Variants in TASOR observed in about 807,000 individuals in gnomAD.
TASOR encodes the protein protein TASOR.
TASOR carries 53 observed loss-of-function variants against 178.6 expected under a neutral mutation model. The observed-to-expected ratio is 0.30, with a 90% CI of 0.24 to 0.37. The LOEUF (loss-of-function observed/expected upper bound fraction) is 0.37, where lower values mean the gene tolerates loss of function less well. Ranked by LOEUF, TASOR falls within the 10% of genes least tolerant of loss-of-function variation. TASOR has a pLI of 1.00. For synonymous variants in TASOR, 713 were observed against 696.2 expected, an observed-to-expected ratio of 1.02 and a Z score of -0.38; for missense variants, 1,815 against 1,971.4, an observed-to-expected ratio of 0.92 and a Z score of 1.50.
intron 21 of TASOR, among the ~76,000 whole-genome samples, chr3:56,625,690 C>CTT (rs879938687): frequency 1.1e-4 from 16 of 146,730 alleles, no homozygotes; most frequent in African/African-American, 3.7e-4. Flanking sequence ...TAAGCTATTT[C>CTT]TTTTTTTTTT....
At chr3:56,673,433 CAAAAAAAAAAAAAAA>C (rs5849162) in intron 2 of TASOR, 132 bp downstream of exon 2, 2 of 194,768 alleles carry the variant, frequency 1.0e-5, no homozygotes, top group Non-Finnish European at 1.7e-5. Context: ...ACTCCGTCTC[CAAAAAAAAAAAAAAA>C]AAAAAAAAAA....
intron 18 of TASOR, 26 bp downstream of exon 18, chr3:56,633,018 T>C: frequency 6.7e-7 from 1 of 1,498,980 alleles, no homozygotes. Context: ...TTGTACAGCA[T>C]TACTATTACC....
In TASOR at chr3:56,660,945, A is replaced by G. The variant is rs773473328; in HGVS notation, c.1233T>C (p.Phe411=). Residue 411 remains phenylalanine (F), a synonymous_variant, in exon 10 of 24, where the codon TTT becomes TTC. Transcript: ENST00000683822. ...TTGGACCTAAGTATGTTTCCTTATAAAACAGTGCTGGAGGGATTTTCTGTT... is the reference window on the plus strand; with the variant it reads ...TTGGACCTAAGTATGTTTCCTTATAGAACAGTGCTGGAGGGATTTTCTGTT... ...HLKQKIPPAL[F]YKETYLGPNE... is the part of the protein sequence containing the mutation. 3 of 1,612,134 alleles carry G rather than the reference A, an allele frequency of 1.9e-6. No homozygotes were observed. Among genetic ancestry groups the G allele is most frequent in the Admixed American group, 1.7e-5 (1 of 59,938 alleles).
At chr3:56,653,693 T>A (rs1169581880) in intron 11 of TASOR, among the ~76,000 whole-genome samples, 7 of 146,650 alleles carry the variant, frequency 4.8e-5, no homozygotes, top group African/African-American at 8.1e-5. Context: ...TAGATCTTAG[T>A]CTCAACAAAT....
At chr3:56,630,916 G>C (rs1407910852) in intron 18 of TASOR, among the ~76,000 whole-genome samples, 1 of 142,098 alleles carries the variant, frequency 7.0e-6, no homozygotes, top group East Asian at 2.3e-4. Flanking sequence ...AAGGAGCGGG[G>C]GGGTGGGGGG....
chr3:56,670,245 T>A, intron 3 of TASOR, 100 bp from the exon 4 acceptor site: 1 of 655,270 alleles, frequency 1.5e-6, no homozygotes, highest in East Asian at 2.9e-5. Context: ...CAAAGCTTCT[T>A]AACTATGTAT....
At chr3:56,682,272 G>C (rs1159981974) in intron 1 of TASOR, among the ~76,000 whole-genome samples, 1 of 152,186 alleles carries the variant, frequency 6.6e-6, no homozygotes, top group African/African-American at 2.4e-5. Context: ...CATTGGCAAT[G>C]GCCTTGGAGA....
At position 56,683,060 on chromosome 3, in the gene TASOR, G is replaced by A. The variant is rs1032284954; in HGVS notation, c.-54C>T. 16 of 1,439,894 alleles carry A rather than the reference G, an allele frequency of 1.1e-5. No individual in the cohort carries two copies. Among genetic ancestry groups the A allele is most frequent in the Non-Finnish European group, 1.5e-5 (16 of 1,092,820 alleles). The allele number at this position is 1,439,894 out of a possible 1,614,324, so 89.2% of individuals were successfully genotyped here. A position where few individuals can be genotyped will look rare whatever the true frequency, so the allele number is the denominator to read the frequency against. ...TTCTGCCCACAAGGTCGACGGGTGT[G>A]GGGGGAAGGGGCGGCGGGCCAGTCT... On this transcript the variant is annotated 5_prime_UTR_variant, in exon 1 of 24. Transcript: ENST00000683822.
chr3:56,631,460 A>G (rs1243330196), intron 18 of TASOR, among the ~76,000 whole-genome samples: 1 of 152,204 alleles, frequency 6.6e-6, no homozygotes, highest in African/African-American at 2.4e-5. Context: ...TTTTACTATT[A>G]TACCACTAAT....
At chr3:56,632,190 C>T (rs1260741094) in intron 18 of TASOR, among the ~76,000 whole-genome samples, 1 of 151,886 alleles carries the variant, frequency 6.6e-6, no homozygotes, top group African/African-American at 2.4e-5. Context: ...ATGCAAGAAA[C>T]GGCCAGGCGC....
chr3:56,622,872 T>C lies in TASOR; in HGVS notation c.*165A>G, dbSNP rs992034004. On this transcript the variant is annotated 3_prime_UTR_variant, in exon 24 of 24. Coordinates refer to ENST00000683822, the MANE Select transcript of TASOR (RefSeq NM_001365635.2). ...TCAAGTACAATATATGTTAAAAATA[T>C]ATATTTATTTCAATTTTTAGATGCT... 1.1e-5 allele frequency: 5 copies of C among 436,962 alleles called. No individual in the cohort carries two copies. The East Asian group carries it at 1.4e-4, about 12-fold the overall frequency. 27.1% of individuals were successfully genotyped at this position (436,962 alleles called of 1,614,324 possible). A position where few individuals can be genotyped will look rare whatever the true frequency, so the allele number is the denominator to read the frequency against.
intron 11 of TASOR, among the ~76,000 whole-genome samples, chr3:56,660,484 C>T (rs1379938094): frequency 2.4e-5 from 3 of 125,702 alleles, no homozygotes; most frequent in South Asian, 3.0e-4. Context: ...AGCAAGACTC[C>T]GTCTCAAAAA....
chr3:56,621,219 C>T lies in TASOR; in HGVS notation c.*1818G>A, dbSNP rs1262443921. 6.1e-5 allele frequency: 12 copies of T among 196,632 alleles called. No homozygotes were observed. Among genetic ancestry groups the T allele is most frequent in the Non-Finnish European group, 3.1e-5 (3 of 97,566 alleles). The allele number at this position is 196,632 out of a possible 1,614,324, so 12.2% of individuals were successfully genotyped here. A position where few individuals can be genotyped will look rare whatever the true frequency, so the allele number is the denominator to read the frequency against. The stretch of plus-strand genomic sequence containing the variant: ...CACTGTATGTTAAGGGAGACTCCTT[C>T]AGTATCTAAGAGCACTTGGGGGTGG... On this transcript the variant is annotated 3_prime_UTR_variant, in exon 24 of 24. Coordinates refer to ENST00000683822, the MANE Select transcript of TASOR (RefSeq NM_001365635.2).
At chr3:56,670,958 A>G (rs1332511650) in intron 3 of TASOR, among the ~76,000 whole-genome samples, 1 of 148,750 alleles carries the variant, frequency 6.7e-6, no homozygotes, top group East Asian at 2.0e-4. Context: ...AAAAAAAAAA[A>G]AAAAGGAAAA....
chr3:56,683,199 C>G lies in TASOR; in HGVS notation c.-193G>C. On this transcript the variant is annotated 5_prime_UTR_variant, in exon 1 of 24. Transcript: ENST00000683822. ...GTAGCGGGCACCCCAAATGCGCTGC[C>G]CGGTCCTCGGAGCCGCTCCTCCCTC... 1 of 550,392 alleles carries G rather than the reference C, an allele frequency of 1.8e-6. No individual in the cohort carries two copies. Among genetic ancestry groups the G allele is most frequent in the Non-Finnish European group, 3.1e-6 (1 of 321,376 alleles). The allele number at this position is 550,392 out of a possible 1,614,324, so 34.1% of individuals were successfully genotyped here.
chr3:56,658,878 C>T (rs1019853966), intron 11 of TASOR, among the ~76,000 whole-genome samples: 2 of 151,566 alleles, frequency 1.3e-5, no homozygotes, highest in Non-Finnish European at 2.9e-5. Context: ...TGTGCCACTG[C>T]GCTCCAGCCT....
intron 21 of TASOR, among the ~76,000 whole-genome samples, chr3:56,625,980 A>C (rs1490749303): frequency 3.3e-5 from 5 of 152,206 alleles, no homozygotes; most frequent in African/African-American, 9.6e-5. Flanking sequence ...TAAGCTTTTA[A>C]AAGTGAATTG....
At chr3:56,651,944 T>C (rs924299591) in intron 11 of TASOR, among the ~76,000 whole-genome samples, 1 of 152,078 alleles carries the variant, frequency 6.6e-6, no homozygotes, top group African/African-American at 2.4e-5. Context: ...AAATAACTGA[T>C]AAAAGAACAA....
intron 13 of TASOR, 21 bp downstream of exon 13, chr3:56,648,801 T>A (rs1578235532): frequency 6.5e-7 from 1 of 1,548,134 alleles, no homozygotes; most frequent in Non-Finnish European, 8.9e-7. Context: ...GTAACCAGAT[T>A]TAGATATTCA....
Sources: gnomAD v4.1 joint callset for allele counts (sites outside exome capture counted in the v4.1 genomes callset) on GRCh38, gnomAD v4.1.1 for gene constraint, MANE v1.5 for transcripts, NCBI Gene and HGNC (gene_info 2026-07-23, HGNC 2026-07-21) for gene names.